DMAP1: variants seen among roughly 807,000 people sequenced by gnomAD.
The protein encoded by DMAP1 is DNA methyltransferase 1-associated protein 1.
Under a neutral mutation model 52.7 loss-of-function variants are expected in DMAP1, and 26 were observed. The observed-to-expected ratio is 0.49, with a 90% CI of 0.36 to 0.68. The LOEUF is 0.68. Ranked by LOEUF, DMAP1 falls within the 30% of genes least tolerant of loss-of-function variation. The probability of loss-of-function intolerance (pLI) is 0.00; values close to 1 mark genes in which losing one functional copy is unlikely to be tolerated. For synonymous variants in DMAP1, 231 were observed against 246.0 expected (o/e 0.94, Z 0.57); for missense variants, 439 against 625.2 (o/e 0.70, Z 3.18).
In DMAP1 at chr1:44,218,171, T is replaced by C; in HGVS notation, c.394-140T>C. 1 of 1,145,730 alleles carries C rather than the reference T, an allele frequency of 8.7e-7. No individual in the cohort carries two copies. The highest frequency in any genetic ancestry group is 1.3e-6 in the Non-Finnish European group (1 of 758,378). 71.0% of individuals were successfully genotyped at this position (1,145,730 alleles called of 1,614,324 possible). On this transcript the variant is annotated intron_variant, in intron 3 of 9. Coordinates refer to ENST00000372289, the MANE Select transcript of DMAP1 (RefSeq NM_019100.5). This position sits in a 1 kb window ranked among gnomAD's most constrained non-coding sequence, Gnocchi z 5.6. ...TAGGACCTCTAGTCAAGCAGACAAG[T>C]TCTTTCCTCACTCCATGCTGCAGGG... is the stretch of plus-strand genomic sequence containing the variant.
At chr1:44,216,641 G>A (rs1444679191) in intron 3 of DMAP1, 1 of 152,220 alleles carries the variant, frequency 6.6e-6, no homozygotes, top group African/African-American at 2.4e-5. Flanking sequence ...TGATGCCTGA[G>A]AGCTCGAAAG....
intron 3 of DMAP1, chr1:44,217,291 T>A (rs1197026656): frequency 6.6e-6 from 1 of 152,268 alleles, no homozygotes; most frequent in African/African-American, 2.4e-5. Flanking sequence ...AGAGATCACG[T>A]CTTAGCTGCA....
At chr1:44,219,940 CA>C in intron 8 of DMAP1, 62 bp downstream of exon 8, 10 of 1,611,756 alleles carry the variant, frequency 6.2e-6, no homozygotes, top group Non-Finnish European at 8.5e-6. Flanking sequence ...ATAGGTTGGG[CA>C]GGGGGAGGGG....
At chr1:44,215,048 A>G (rs1444512706) in intron 3 of DMAP1, 150 bp downstream of exon 3, 1 of 864,880 alleles carries the variant, frequency 1.2e-6, no homozygotes, top group East Asian at 2.6e-5. Flanking sequence ...ATGCATGCAG[A>G]GTAGGACTCT....
Position 44,214,395 on chromosome 1 carries a change from G to A in DMAP1, c.151G>A (p.Glu51Lys). ...TGAGACACTGACTTTCAAGAGGCCC[G>A]AGGGCATGCACCGGGAAGTCTATGC... The part of the protein sequence containing the change: ...SSETLTFKRP[E>K]GMHREVYALL... The change falls in exon 2 of 10, where the codon GAG becomes AAG. Residue 51 changes from glutamate to lysine, a missense_variant. This residue lies in a region of DMAP1 where 118 missense variants were observed against 189.8 expected (regional missense o/e 0.62). Transcript: ENST00000372289. 6.2e-7 allele frequency: 1 copy of A among 1,614,126 alleles called. No individual in the cohort carries two copies. The highest frequency in any genetic ancestry group is 8.5e-7 in the Non-Finnish European group (1 of 1,180,014).
In DMAP1 at chr1:44,218,028, GC is replaced by G. The variant is rs1643829354; in HGVS notation, c.394-279del. ...ACTCCACAGAAGCACTTACATGTGG[GC>G]CCCTCACCTTAACTATGGGGGCAGG... On this transcript the variant is annotated intron_variant, in intron 3 of 9. Transcript: ENST00000372289. This position sits in a 1 kb window ranked among gnomAD's most constrained non-coding sequence, Gnocchi z 5.6. The G allele has an allele frequency of 1.9e-6, 1 of 519,522 alleles. No homozygotes were observed. Among genetic ancestry groups the G allele is most frequent in the East Asian group, 3.5e-5 (1 of 28,286 alleles). 32.2% of individuals were successfully genotyped at this position (519,522 alleles called of 1,614,324 possible). A position where few individuals can be genotyped will look rare whatever the true frequency, so the allele number is the denominator to read the frequency against.
Position 44,218,219 on chromosome 1 carries a change from C to A in DMAP1, c.394-92C>A. On this transcript the variant is annotated intron_variant, in intron 3 of 9. Coordinates refer to ENST00000372289, the MANE Select transcript of DMAP1 (RefSeq NM_019100.5). The surrounding 1 kb of genome is among the most constrained non-coding windows in gnomAD (Gnocchi z 5.6). ...GGGGCACAGGCCCAGGGTCTGGCAA[C>A]AAACAGGAGCAGCTGTGGTCACTGG... The A allele has an allele frequency of 1.3e-6, 2 of 1,568,534 alleles. No homozygotes were observed. Among genetic ancestry groups the A allele is most frequent in the Non-Finnish European group, 1.8e-6 (2 of 1,139,028 alleles).
chr1:44,218,985 C>A lies in DMAP1; in HGVS notation c.721-71C>A. ...AGATTCCCTCACAGACAGCCCAGCA[C>A]CCTGTCACCTCCGTGTCTACCCTCA... On this transcript the variant is annotated intron_variant, in intron 5 of 9. Coordinates refer to ENST00000372289, the MANE Select transcript of DMAP1 (RefSeq NM_019100.5). This position sits in a 1 kb window ranked among gnomAD's most constrained non-coding sequence, Gnocchi z 5.6. 1 of 1,572,592 alleles carries A rather than the reference C, an allele frequency of 6.4e-7. No homozygotes were observed. The highest frequency in any genetic ancestry group is 2.2e-5 in the East Asian group (1 of 44,616).
At position 44,213,506 on chromosome 1, in the gene DMAP1, G is replaced by T; in HGVS notation, c.-248G>T. 1 of 472,530 alleles carries T rather than the reference G, an allele frequency of 2.1e-6. No individual in the cohort carries two copies. The highest frequency in any genetic ancestry group is 3.8e-6 in the Non-Finnish European group (1 of 261,394). The allele number at this position is 472,530 out of a possible 1,614,324, so 29.3% of individuals were successfully genotyped here. ...TGCGGGGACGGGGGAGTGGTAGTGG[G>T]GGCTGCAGCTGCCGGACCCAGGTGC... On this transcript the variant is annotated 5_prime_UTR_variant, in exon 1 of 10. Transcript: ENST00000372289. The surrounding 1 kb of genome is among the most constrained non-coding windows in gnomAD (Gnocchi z 4.5).
At chr1:44,217,296 G>C (rs1251208354) in intron 3 of DMAP1, 1 of 152,272 alleles carries the variant, frequency 6.6e-6, no homozygotes, top group Non-Finnish European at 1.5e-5. Flanking sequence ...TCACGTCTTA[G>C]CTGCAGATGG....
At position 44,220,295 on chromosome 1, in the gene DMAP1, C is replaced by T. The variant is rs757528262; in HGVS notation, c.1330C>T (p.Leu444Phe). The T allele has an allele frequency of 1.9e-6, 3 of 1,546,574 alleles. No homozygotes were observed. Among genetic ancestry groups the T allele is most frequent in the South Asian group, 2.5e-5 (2 of 80,700 alleles). ...DTIIDVVGAP[L>F]TPNSRKRRES... ...CATCATTGATGTGGTGGGCGCACCC[C>T]TCACGCCCAATTCGGTAAGAGTCTG... The change falls in exon 9 of 10, where the codon CTC (leucine) becomes TTC (phenylalanine). Residue 444 changes from leucine to phenylalanine, a missense_variant. Coordinates refer to ENST00000372289, the MANE Select transcript of DMAP1 (RefSeq NM_019100.5).
In DMAP1 at chr1:44,219,803, C is replaced by T. The variant is rs1395094291; in HGVS notation, c.979-3C>T. 1.2e-6 allele frequency: 2 copies of T among 1,613,850 alleles called. No individual in the cohort carries two copies. Among genetic ancestry groups the T allele is most frequent in the African/African-American group, 2.7e-5 (2 of 74,948 alleles). ...AGGCTTAGCTTGCCAGCTTTCATTG[C>T]AGATGAAGCTGCCAAGCTCTGTGGG... On this transcript the variant is annotated splice_region_variant and splice_polypyrimidine_tract_variant and intron_variant, in intron 7 of 9. Coordinates refer to ENST00000372289, the MANE Select transcript of DMAP1 (RefSeq NM_019100.5).
Position 44,218,736 on chromosome 1 carries a change from A to G in DMAP1, c.701A>G (p.Tyr234Cys). 6.2e-7 allele frequency: 1 copy of G among 1,610,072 alleles called. No individual in the cohort carries two copies. Among genetic ancestry groups the G allele is most frequent in the Non-Finnish European group, 8.5e-7 (1 of 1,177,152 alleles). ...RRRKEQLERL[Y>C]NRTPEQVAEE... ...CGGAAGGAACAGCTTGAGCGTCTCT[A>G]CAACCGGACCCCAGAGCAGGTAAGC... Residue 234 changes from tyrosine (Y) to cysteine (C), a missense_variant, in exon 5 of 10, where the codon TAC becomes TGC. By Grantham distance (194) the Tyr-to-Cys change is radical (BLOSUM62 -2). Transcript: ENST00000372289. This position sits in a 1 kb window ranked among gnomAD's most constrained non-coding sequence, Gnocchi z 5.6.
chr1:44,215,523 T>A, intron 3 of DMAP1: 1 of 334,862 alleles, frequency 3.0e-6, no homozygotes. Flanking sequence ...ACAACAAACA[T>A]GTAAGGAAAT....
Position 44,220,314 on chromosome 1 carries a change from G to C in DMAP1, c.1344+5G>C. 1.3e-6 allele frequency: 2 copies of C among 1,539,192 alleles called. No individual in the cohort carries two copies. The highest frequency in any genetic ancestry group is 1.8e-6 in the Non-Finnish European group (2 of 1,139,678). On this transcript the variant is annotated splice_donor_5th_base_variant and intron_variant, in intron 9 of 9. Transcript: ENST00000372289. ...GCACCCCTCACGCCCAATTCGGTAA[G>C]AGTCTGGACAGGCTGGGAGGCACGC...
chr1:44,218,341 GAGTACC>G lies in DMAP1; in HGVS notation c.427_432del (p.Tyr143_Gln144del), dbSNP rs1453439214. Reference sequence around the variant, plus strand: ...GCAGGTGCCTGTGTACTCGGAGCAGGAGTACCAGCTTTATCTCCACGATGATGCTTG... The same window carrying G: ...GCAGGTGCCTGTGTACTCGGAGCAGGAGCTTTATCTCCACGATGATGCTTG... On this transcript the variant is annotated inframe_deletion, in exon 4 of 10. Transcript: ENST00000372289. The surrounding 1 kb of genome is among the most constrained non-coding windows in gnomAD (Gnocchi z 5.6). 1 of 1,614,092 alleles carries G rather than the reference GAGTACC, an allele frequency of 6.2e-7. No homozygotes were observed. The highest frequency in any genetic ancestry group is 8.5e-7 in the Non-Finnish European group (1 of 1,180,036).
chr1:44,215,289 T>G, intron 3 of DMAP1: 2 of 459,818 alleles, frequency 4.3e-6, no homozygotes, highest in South Asian at 3.1e-5. Flanking sequence ...TAATATCTCT[T>G]TCTCAATGCC....
At position 44,219,558 on chromosome 1, in the gene DMAP1, T is replaced by G. The variant is rs1367877950; in HGVS notation, c.978+81T>G. On this transcript the variant is annotated intron_variant, in intron 7 of 9. Coordinates refer to ENST00000372289, the MANE Select transcript of DMAP1 (RefSeq NM_019100.5). ...ATGTGTCCCAAACGCTGCAGGCAGG[T>G]GGGGATGGAGCAGTAGGAGAGATTG... 5.0e-6 allele frequency: 7 copies of G among 1,399,388 alleles called. No homozygotes were observed. In the East Asian group the frequency reaches 1.6e-4, roughly 33 times the overall value. 86.7% of individuals were successfully genotyped at this position (1,399,388 alleles called of 1,614,324 possible).
At chr1:44,215,397 T>C (rs566219017) in intron 3 of DMAP1, 6 of 450,724 alleles carry the variant, frequency 1.3e-5, no homozygotes, top group African/African-American at 1.2e-4. Flanking sequence ...AATGGCACTA[T>C]CTTCCACCCA....
Sources: allele counts gnomAD v4.1 joint callset, GRCh38; gene constraint gnomAD v4.1.1; regional missense constraint gnomAD v4.1.1; non-coding constraint Gnocchi (gnomAD v3.1); transcripts MANE v1.5; gene names NCBI Gene and HGNC (gene_info 2026-07-23, HGNC 2026-07-21).